The following KDM6A variants were observed in gnomAD, a reference collection of about 807,000 sequenced individuals.
The protein encoded by KDM6A is lysine-specific demethylase 6A.
Under a neutral mutation model 117.6 loss-of-function variants are expected in KDM6A, and 11 were observed. That is an observed-to-expected ratio of 0.09 (90% CI 0.06 to 0.15). The LOEUF (loss-of-function observed/expected upper bound fraction) is 0.15. KDM6A is among the 10% of genes least tolerant of loss of function. The probability of loss-of-function intolerance (pLI) is 1.00; values close to 1 mark genes in which losing one functional copy is unlikely to be tolerated. For synonymous variants in KDM6A, 384 were observed against 396.1 expected (o/e 0.97, Z 0.36); for missense variants, 799 against 1,077.3 (o/e 0.74, Z 3.62).
intron 4 of KDM6A, among the ~76,000 whole-genome samples, chrX:45,001,483 C>T (rs951900616): frequency 9.0e-6 from 1 of 111,028 alleles, no homozygotes; most frequent in African/African-American, 3.3e-5. Flanking sequence ...CGAAATCTTT[C>T]TGGATTAAGT....
At chrX:45,069,458 G>C in intron 17 of KDM6A, 121 bp from the exon 18 acceptor site, 2 of 670,673 alleles carry the variant, frequency 3.0e-6, no homozygotes, top group Non-Finnish European at 4.4e-6. Context: ...TTAGGACTTG[G>C]GTCAAATTAT....
chrX:44,963,473 GTGTGTGTGTGTGTCTGTCTGTCTGTCTC>G lies in KDM6A; in HGVS notation c.334+2085_334+2112del, dbSNP rs1437300885. Among the ~76,000 whole-genome samples, 173 of 35,726 alleles carry G rather than the reference GTGTGTGTGTGTGTCTGTCTGTCTGTCTC, an allele frequency of 4.8e-3. 1 individual carries two copies. Among genetic ancestry groups the G allele is most frequent in the Middle Eastern group, 0.015 (1 of 65 alleles). 31.0% of individuals were successfully genotyped at this position (35,726 alleles called of 115,157 possible). On this transcript the variant is annotated intron_variant, in intron 3 of 29. Transcript: ENST00000611820. ...TGTGTGTGTGTGTGTGTGTGTGTGT[GTGTGTGTGTGTGTCTGTCTGTCTGTCTC>G]TGTCTGTCTGTCTGTCTCTGTCTCT...
intron 16 of KDM6A, 55 bp from the exon 17 acceptor site, chrX:45,063,367 C>T: frequency 9.0e-7 from 1 of 1,105,893 alleles, no homozygotes; most frequent in Non-Finnish European, 1.2e-6. Context: ...CCTATAGATT[C>T]TCTTCCCTAT....
At chrX:44,890,642 CTTTTTTTTTTTT>C (rs761568154) in intron 2 of KDM6A, among the ~76,000 whole-genome samples, 3 of 34,766 alleles carry the variant, frequency 8.6e-5, no homozygotes, top group East Asian at 1.2e-3. Context: ...TGATGTTGAA[CTTTTTTTTTTTT>C]TTTTTTTTTT....
At chrX:44,890,445 T>C (rs1313952945) in intron 2 of KDM6A, among the ~76,000 whole-genome samples, 1 of 111,182 alleles carries the variant, frequency 9.0e-6, no homozygotes, top group African/African-American at 3.3e-5. Flanking sequence ...ATATTTAGTT[T>C]TATAAAAACC....
intron 2 of KDM6A, among the ~76,000 whole-genome samples, chrX:44,945,646 A>G (rs1453280828): frequency 8.9e-6 from 1 of 111,854 alleles, no homozygotes; most frequent in Non-Finnish European, 1.9e-5. Context: ...CTAAGTTGAA[A>G]TGGTATTTTG....
In KDM6A at chrX:45,083,700, A is replaced by G. The variant is rs754813379; in HGVS notation, c.3589+92A>G. On this transcript the variant is annotated intron_variant, in intron 24 of 29. Transcript: ENST00000611820. ...GACAGCCAGAATCTTGTCATTTATA[A>G]TGAATAAAACTGAGAGTTGTTCCTG... The G allele has an allele frequency of 4.9e-6, 4 of 822,557 alleles. No individual in the cohort carries two copies. The South Asian group carries it at 9.0e-5, about 19-fold the overall frequency. 67.8% of individuals were successfully genotyped at this position (822,557 alleles called of 1,213,427 possible).
In KDM6A at chrX:45,021,175, A is replaced by G. The variant is rs762786461; in HGVS notation, c.564+445A>G. Among the ~76,000 whole-genome samples, 5 of 105,624 alleles carry G rather than the reference A, an allele frequency of 4.7e-5. No homozygotes were observed. In the South Asian group the frequency reaches 1.6e-3, roughly 35 times the overall value. The allele number at this position is 105,624 out of a possible 115,157, so 91.7% of individuals were successfully genotyped here. ...GAAGCACATCTTATATTTAAATTAG[A>G]AAAAAGAGTGTTCTCTGCAAGGCAT... is the stretch of plus-strand genomic sequence containing the variant. On this transcript the variant is annotated intron_variant, in intron 6 of 29. Coordinates refer to ENST00000611820, the MANE Select transcript of KDM6A (RefSeq NM_001291415.2).
chrX:44,930,434 A>G (rs2036557903), intron 2 of KDM6A, among the ~76,000 whole-genome samples: 1 of 111,901 alleles, frequency 8.9e-6, no homozygotes, highest in Admixed American at 9.5e-5. Context: ...CCATTTCACA[A>G]GTGAGACAGG....
At chrX:45,025,719 T>C (rs2042340937) in intron 6 of KDM6A, among the ~76,000 whole-genome samples, 1 of 112,192 alleles carries the variant, frequency 8.9e-6, no homozygotes, top group Non-Finnish European at 1.9e-5. Context: ...AGGAAGCTTA[T>C]ATAGGAATTT....
rs149356738 is a variant in KDM6A at position 45,085,055 on chromosome X, C to T, written c.3590-810C>T. On this transcript the variant is annotated intron_variant, in intron 24 of 29. Coordinates refer to ENST00000611820, the MANE Select transcript of KDM6A (RefSeq NM_001291415.2). ...TCCTCAGACCATTAGAAGCCCAATT[C>T]TGTGATATTTTATCCATAGTCAGGT... Among the ~76,000 whole-genome samples the T allele has an allele frequency of 9.9e-4, 111 of 111,650 alleles. 2 individuals are homozygous for T. In the East Asian group the frequency reaches 0.029, roughly 29 times the overall value.
At chrX:44,951,697 G>A (rs1333930975) in intron 2 of KDM6A, among the ~76,000 whole-genome samples, 1 of 110,771 alleles carries the variant, frequency 9.0e-6, no homozygotes, top group East Asian at 2.8e-4. Flanking sequence ...GTGGAGTTGG[G>A]GAGGAGGAGC....
intron 27 of KDM6A, 121 bp from the exon 28 acceptor site, chrX:45,107,289 A>C: frequency 1.4e-6 from 1 of 698,436 alleles, no homozygotes; most frequent in African/African-American, 2.2e-5. Flanking sequence ...TGAAAGAAAA[A>C]TTATGAAGTC....
chrX:45,082,896 T>G, intron 23 of KDM6A, 107 bp downstream of exon 23: 2 of 552,069 alleles, frequency 3.6e-6, no homozygotes, highest in Non-Finnish European at 6.0e-6. Context: ...TGTCATTTTT[T>G]TTAAGTTGAC....
At chrX:45,089,715 C>T (rs2045811428) in intron 25 of KDM6A, 28 bp from the exon 26 acceptor site, 1 of 1,077,709 alleles carries the variant, frequency 9.3e-7, no homozygotes. Flanking sequence ...GTAGTTGATC[C>T]ATTTGCATTA....
At chrX:45,062,613 C>T (rs1459196380) in intron 15 of KDM6A, 34 bp from the exon 16 acceptor site, 1 of 1,018,041 alleles carries the variant, frequency 9.8e-7, no homozygotes, top group Admixed American at 2.2e-5. Flanking sequence ...CTAAATATAT[C>T]TTTGACTATA....
intron 28 of KDM6A, among the ~76,000 whole-genome samples, chrX:45,108,816 G>A (rs1458574221): frequency 6.0e-5 from 6 of 99,941 alleles, no homozygotes; most frequent in Non-Finnish European, 1.2e-4. Flanking sequence ...CATGTCCTTT[G>A]TAGGGACATG....
intron 2 of KDM6A, among the ~76,000 whole-genome samples, chrX:44,924,564 C>T (rs181591228): frequency 9.1e-6 from 1 of 110,306 alleles, no homozygotes; most frequent in Admixed American, 9.7e-5. Flanking sequence ...ACAAGTTTTT[C>T]CACTTTGACT....
chrX:44,911,909 C>G (rs772492483), intron 2 of KDM6A, among the ~76,000 whole-genome samples: 5 of 103,385 alleles, frequency 4.8e-5, no homozygotes, highest in South Asian at 5.2e-4. Context: ...CGCCTGCAAT[C>G]GCAGGCGCTT....
Sources: gnomAD v4.1 joint callset for allele counts (sites outside exome capture counted in the v4.1 genomes callset) on GRCh38, gnomAD v4.1.1 for gene constraint, MANE v1.5 for transcripts, NCBI Gene and HGNC (gene_info 2026-07-23, HGNC 2026-07-21) for gene names.